Variants in ZPLD1 observed in about 807,000 individuals in gnomAD.
The protein encoded by ZPLD1 is zona pellucida-like domain-containing protein 1.
A neutral mutation model predicts 47.2 loss-of-function variants in ZPLD1; 34 were observed. The ratio of observed to expected loss-of-function variants is 0.72; its 90% CI spans 0.55 to 0.96. The LOEUF (loss-of-function observed/expected upper bound fraction) is 0.96. ZPLD1 is among the 40% of genes least tolerant of loss of function. The probability of loss-of-function intolerance (pLI) is 0.00; values close to 1 mark genes in which losing one functional copy is unlikely to be tolerated. For synonymous variants in ZPLD1, 176 were observed against 186.2 expected (o/e 0.95, Z 0.45); for missense variants, 512 against 505.8 (o/e 1.01, Z -0.12).
chr3:102,472,553 G>A (rs147800379), intron 10 of ZPLD1, among the ~76,000 whole-genome samples: 1 of 151,420 alleles, frequency 6.6e-6, no homozygotes, highest in South Asian at 2.1e-4. Context: ...AAAAAAGACT[G>A]GTTTGTAGCT....
intron 8 of ZPLD1, among the ~76,000 whole-genome samples, chr3:102,425,289 T>C (rs1021029148): frequency 2.0e-5 from 3 of 152,100 alleles, no homozygotes; most frequent in Non-Finnish European, 1.5e-5. Context: ...CCATGATGAA[T>C]CTTGGTTTTC....
chr3:102,440,077 A>C (rs1707152415), intron 3 of ZPLD1, among the ~76,000 whole-genome samples: 1 of 152,238 alleles, frequency 6.6e-6, no homozygotes, highest in South Asian at 2.1e-4. Context: ...AATGAGAGCT[A>C]GAAGTTTAAG....
chr3:102,421,006 A>T (rs1294968962), intron 8 of ZPLD1, among the ~76,000 whole-genome samples: 1 of 151,920 alleles, frequency 6.6e-6, no homozygotes, highest in Non-Finnish European at 1.5e-5. Flanking sequence ...GCCAAATGAA[A>T]ATGTCAATGG....
At chr3:102,474,534 A>T (rs1185540755) in intron 10 of ZPLD1, among the ~76,000 whole-genome samples, 1 of 152,164 alleles carries the variant, frequency 6.6e-6, no homozygotes, top group African/African-American at 2.4e-5. Flanking sequence ...GTGAAAAGTA[A>T]AAAGGTCGGT....
At chr3:102,442,670 T>A (rs1707199460) in intron 3 of ZPLD1, among the ~76,000 whole-genome samples, 1 of 151,992 alleles carries the variant, frequency 6.6e-6, no homozygotes, top group African/African-American at 2.4e-5. Flanking sequence ...TGAGAATGAG[T>A]CTGGCAAAGG....
chr3:102,445,980 A>G (rs769776133), intron 3 of ZPLD1, among the ~76,000 whole-genome samples: 17 of 152,182 alleles, frequency 1.1e-4, no homozygotes, highest in Admixed American at 4.6e-4. Context: ...GTTCATTGAA[A>G]ACTGAAAACA....
chr3:102,409,827 A>C (rs1706730750), intron 7 of ZPLD1, among the ~76,000 whole-genome samples: 1 of 151,808 alleles, frequency 6.6e-6, no homozygotes, highest in African/African-American at 2.4e-5. Context: ...AAGTCAAATA[A>C]ATCTTCACAA....
At chr3:102,443,971 G>A (rs1707217911) in intron 3 of ZPLD1, among the ~76,000 whole-genome samples, 1 of 152,220 alleles carries the variant, frequency 6.6e-6, no homozygotes, top group South Asian at 2.1e-4. Context: ...CAACAGATGA[G>A]GCAGAAGAAC....
chr3:102,438,137 T>C (rs114884851), intron 2 of ZPLD1, among the ~76,000 whole-genome samples: 1,622 of 152,320 alleles, frequency 0.011, 29 homozygotes, highest in African/African-American at 0.038. Context: ...GTCTGCCTAG[T>C]TATGCTATTC....
intron 7 of ZPLD1, among the ~76,000 whole-genome samples, chr3:102,409,815 C>T (rs546032291): frequency 2.6e-5 from 4 of 151,798 alleles, no homozygotes; most frequent in South Asian, 2.1e-4. Context: ...CACTGTGGAT[C>T]GAAGTCAAAT....
In ZPLD1 at chr3:102,477,823, T is replaced by C; in HGVS notation, c.*205T>C. The C allele has an allele frequency of 2.4e-6, 1 of 412,104 alleles. No homozygotes were observed. The highest frequency in any genetic ancestry group is 4.2e-6 in the Non-Finnish European group (1 of 238,514). The allele number at this position is 412,104 out of a possible 1,614,324, so 25.5% of individuals were successfully genotyped here. A position where few individuals can be genotyped will look rare whatever the true frequency, so the allele number is the denominator to read the frequency against. On this transcript the variant is annotated 3_prime_UTR_variant, in exon 12 of 12. Transcript: ENST00000466937. ...ACTTATGTACGTGGCGAGCCGTATT[T>C]TTATGCCACCAGTGAATATATTGAC...
At chr3:102,440,863 A>G (rs1707166507) in intron 3 of ZPLD1, among the ~76,000 whole-genome samples, 1 of 152,120 alleles carries the variant, frequency 6.6e-6, no homozygotes, top group Non-Finnish European at 1.5e-5. Context: ...GTAAAGGGAG[A>G]GTATTAAAAA....
At chr3:102,418,810 A>G (rs1389074445) in intron 8 of ZPLD1, among the ~76,000 whole-genome samples, 2 of 152,064 alleles carry the variant, frequency 1.3e-5, no homozygotes, top group Non-Finnish European at 2.9e-5. Context: ...AATTATTCTA[A>G]TGATTGGCCT....
intron 1 of ZPLD1, among the ~76,000 whole-genome samples, chr3:102,435,481 G>A (rs1277506929): frequency 6.6e-6 from 1 of 152,156 alleles, no homozygotes; most frequent in African/African-American, 2.4e-5. Context: ...TTCAGACCTA[G>A]ACATTGTTTT....
intron 4 of ZPLD1, among the ~76,000 whole-genome samples, chr3:102,453,968 C>T (rs935675295): frequency 6.6e-6 from 1 of 151,950 alleles, no homozygotes; most frequent in African/African-American, 2.4e-5. Flanking sequence ...TTTTATTTTG[C>T]TTATTTAAAT....
At chr3:102,390,534 T>C (rs1385217907) in intron 6 of ZPLD1, among the ~76,000 whole-genome samples, 7 of 152,226 alleles carry the variant, frequency 4.6e-5, no homozygotes, top group Non-Finnish European at 8.8e-5. Flanking sequence ...TTGAAGGTAT[T>C]GCCTCACCCT....
At chr3:102,463,065 T>C (rs1413555573) in intron 7 of ZPLD1, among the ~76,000 whole-genome samples, 1 of 152,224 alleles carries the variant, frequency 6.6e-6, no homozygotes, top group Non-Finnish European at 1.5e-5. Context: ...TCTATTCTTG[T>C]ATGAGTCTTT....
At chr3:102,463,927 G>C (rs1490206811) in intron 7 of ZPLD1, among the ~76,000 whole-genome samples, 2 of 151,256 alleles carry the variant, frequency 1.3e-5, no homozygotes, top group Non-Finnish European at 2.9e-5. Context: ...GCGGGCGCCT[G>C]TAGTCCCAGC....
intron 3 of ZPLD1, among the ~76,000 whole-genome samples, chr3:102,440,938 T>G (rs567865230): frequency 7.9e-5 from 12 of 152,204 alleles, no homozygotes; most frequent in African/African-American, 2.6e-4. Context: ...CAATCAATGG[T>G]ACAGATGAAG....
Sources: gnomAD v4.1 joint callset for allele counts (sites outside exome capture counted in the v4.1 genomes callset) on GRCh38, gnomAD v4.1.1 for gene constraint, MANE v1.5 for transcripts, NCBI Gene and HGNC (gene_info 2026-07-23, HGNC 2026-07-21) for gene names.